The following OR9Q1 variants were observed in gnomAD, a reference collection of about 807,000 sequenced individuals.
The protein encoded by OR9Q1 is olfactory receptor family 9 subfamily Q member 1, also known as olfactory receptor 9Q1.
For missense variants in OR9Q1, 374 were observed against 378.8 expected, an observed-to-expected ratio of 0.99 and a Z score of 0.11; for synonymous variants, 153 against 148.6, an observed-to-expected ratio of 1.03 and a Z score of -0.22.
At chr11:58,118,353 C>G (rs1475338711) in intron 2 of OR9Q1, 4 of 604,654 alleles carry the variant, frequency 6.6e-6, no homozygotes, top group Non-Finnish European at 1.2e-5. Context: ...AATTTCACCA[C>G]AATTGTAGTT....
At chr11:58,066,190 C>T (rs1452950023) in intron 2 of OR9Q1, among the ~76,000 whole-genome samples, 1 of 150,302 alleles carries the variant, frequency 6.7e-6, no homozygotes, top group East Asian at 2.0e-4. Context: ...CCGGAGGCTG[C>T]TGGAACTTGA....
At position 58,167,282 on chromosome 11, in the gene OR9Q1, C is replaced by T. The variant is rs1050309895; in HGVS notation, c.-14-12149C>T. Among the ~76,000 whole-genome samples the T allele has an allele frequency of 7.9e-5, 12 of 152,162 alleles. No individual in the cohort carries two copies. The East Asian group carries it at 1.2e-3, about 15-fold the overall frequency. On this transcript the variant is annotated intron_variant, in intron 2 of 2. Transcript: ENST00000335397. Reference sequence around the variant, plus strand: ...ATTTTCATACATTTCTATATTTACTCGAGTTTGTTTTTAGTACTTTTCTGT... The same window carrying T: ...ATTTTCATACATTTCTATATTTACTTGAGTTTGTTTTTAGTACTTTTCTGT...
rs1344379505 is a variant in OR9Q1 at position 58,093,869 on chromosome 11, C to G, written c.-15+37922C>G. On this transcript the variant is annotated intron_variant, in intron 2 of 2. Transcript: ENST00000335397. ...GTGTGAATGTAAATTAGCACAACCT[C>G]TAGAAAAATATATGAAGATTTCTCA... 2.6e-5 allele frequency among the ~76,000 whole-genome samples: 4 copies of G among 151,300 alleles called. No individual in the cohort carries two copies. In the South Asian group the frequency reaches 8.4e-4, roughly 32 times the overall value.
At chr11:58,161,053 G>C (rs1854452388) in intron 2 of OR9Q1, among the ~76,000 whole-genome samples, 1 of 151,358 alleles carries the variant, frequency 6.6e-6, no homozygotes, top group African/African-American at 2.4e-5. Flanking sequence ...ATGTTGAATA[G>C]GGGACACAGG....
At chr11:58,178,198 A>G (rs1248391835) in intron 2 of OR9Q1, among the ~76,000 whole-genome samples, 1 of 152,242 alleles carries the variant, frequency 6.6e-6, no homozygotes, top group Non-Finnish European at 1.5e-5. Flanking sequence ...ATATTATCCC[A>G]TCCCAGATTA....
At chr11:58,100,739 TAC>T (rs1853776075) in intron 2 of OR9Q1, among the ~76,000 whole-genome samples, 1 of 152,178 alleles carries the variant, frequency 6.6e-6, no homozygotes, top group South Asian at 2.1e-4. Context: ...ATTATATTTT[TAC>T]AGAGTATAGA....
intron 2 of OR9Q1, among the ~76,000 whole-genome samples, chr11:58,111,559 T>C (rs1009721651): frequency 6.6e-6 from 1 of 152,224 alleles, no homozygotes; most frequent in African/African-American, 2.4e-5. Context: ...AAAGAGATTT[T>C]GATTTATCCA....
At chr11:58,083,682 G>A (rs1035077436) in intron 2 of OR9Q1, among the ~76,000 whole-genome samples, 4 of 151,260 alleles carry the variant, frequency 2.6e-5, no homozygotes, top group African/African-American at 9.8e-5. Context: ...CATGTGGCTA[G>A]CCAGTTATCC....
chr11:58,133,444 C>T (rs769114796), intron 2 of OR9Q1, among the ~76,000 whole-genome samples: 6 of 152,178 alleles, frequency 3.9e-5, no homozygotes, highest in African/African-American at 9.6e-5. Context: ...CTCCCTCTGG[C>T]GCTCAGGGTG....
intron 2 of OR9Q1, among the ~76,000 whole-genome samples, chr11:58,120,373 A>G (rs1240345231): frequency 3.3e-5 from 5 of 152,212 alleles, no homozygotes; most frequent in Non-Finnish European, 5.9e-5. Flanking sequence ...TGTAACATAG[A>G]AAAATATGCT....
intron 2 of OR9Q1, among the ~76,000 whole-genome samples, chr11:58,067,305 G>C (rs769747102): frequency 9.2e-5 from 14 of 152,058 alleles, no homozygotes; most frequent in Non-Finnish European, 1.8e-4. Context: ...CAAAGTGTTG[G>C]GATTATAGGC....
intron 1 of OR9Q1, among the ~76,000 whole-genome samples, chr11:58,046,563 T>G (rs2119954054): frequency 6.6e-6 from 1 of 152,212 alleles, no homozygotes; most frequent in South Asian, 2.1e-4. Flanking sequence ...GTAACTGCAC[T>G]TAAATTAGAA....
At chr11:58,080,171 T>C (rs1221009861) in intron 2 of OR9Q1, among the ~76,000 whole-genome samples, 1 of 152,168 alleles carries the variant, frequency 6.6e-6, no homozygotes, top group Non-Finnish European at 1.5e-5. Flanking sequence ...GTCTGCAGTG[T>C]CTATTGTTCC....
At chr11:58,073,061 G>C (rs1215854553) in intron 2 of OR9Q1, 1 of 207,504 alleles carries the variant, frequency 4.8e-6, no homozygotes, top group African/African-American at 2.3e-5. Flanking sequence ...TGTTGTAGTT[G>C]ATGCCTGTCT....
chr11:58,134,014 A>G (rs1342539220), intron 2 of OR9Q1, among the ~76,000 whole-genome samples: 2 of 152,166 alleles, frequency 1.3e-5, no homozygotes, highest in Non-Finnish European at 2.9e-5. Flanking sequence ...GAGTCCATCA[A>G]GCTACTTTCT....
intron 1 of OR9Q1, among the ~76,000 whole-genome samples, chr11:58,027,962 G>A (rs1045595276): frequency 5.3e-5 from 8 of 151,902 alleles, no homozygotes; most frequent in African/African-American, 7.3e-5. Flanking sequence ...GGTGGATGTC[G>A]GGGGGGCATC....
intron 2 of OR9Q1, among the ~76,000 whole-genome samples, chr11:58,168,719 C>T (rs1334152969): frequency 1.3e-5 from 2 of 151,872 alleles, no homozygotes; most frequent in Non-Finnish European, 2.9e-5. Context: ...TTATTACTTT[C>T]TACTAAAAAT....
chr11:58,122,472 A>G lies in OR9Q1; in HGVS notation c.-14-56959A>G, dbSNP rs537430618. ...TTCTATGAAATGGCAGAGCTAGGTT[A>G]TATGACCACTGAATCTTTTGTTTCT... On this transcript the variant is annotated intron_variant, in intron 2 of 2. Transcript: ENST00000335397. Among the ~76,000 whole-genome samples, 9 of 152,358 alleles carry G rather than the reference A, an allele frequency of 5.9e-5. No individual in the cohort carries two copies. In the South Asian group the frequency reaches 1.9e-3, roughly 32 times the overall value.
chr11:58,155,086 A>G (rs550712283), intron 2 of OR9Q1, among the ~76,000 whole-genome samples: 2 of 152,288 alleles, frequency 1.3e-5, no homozygotes, highest in Admixed American at 1.3e-4. Context: ...TTTGGCTCAT[A>G]TGATTGTGGG....
Sources: allele counts gnomAD v4.1 joint callset (sites outside exome capture counted in the v4.1 genomes callset), GRCh38; gene constraint gnomAD v4.1.1; transcripts MANE v1.5; gene names NCBI Gene and HGNC (gene_info 2026-07-23, HGNC 2026-07-21).